GNAI3: variants seen among roughly 807,000 people sequenced by gnomAD.
GNAI3 encodes the protein G protein subunit alpha i3.
A neutral mutation model predicts 41.8 loss-of-function variants in GNAI3; 12 were observed. The observed-to-expected ratio is 0.29, with a 90% CI of 0.18 to 0.47. GNAI3 has a LOEUF of 0.47. GNAI3 is among the 20% of genes least tolerant of loss of function. GNAI3 has a pLI of 1.00. For synonymous variants in GNAI3, 132 were observed against 146.5 expected (o/e 0.90, Z 0.71); for missense variants, 360 against 429.6 (o/e 0.84, Z 1.43).
At chr1:109,553,491 T>G (rs545181508) in intron 1 of GNAI3, among the ~76,000 whole-genome samples, 5 of 152,354 alleles carry the variant, frequency 3.3e-5, no homozygotes, top group South Asian at 2.1e-4. Context: ...TGGCTGAATA[T>G]GCTTATTATT....
At chr1:109,581,241 T>G (rs1571159866) in intron 4 of GNAI3, among the ~76,000 whole-genome samples, 1 of 151,930 alleles carries the variant, frequency 6.6e-6, no homozygotes, top group Non-Finnish European at 1.5e-5. Context: ...AACAAATTAA[T>G]TTTTTTGGAG....
chr1:109,579,320 C>T lies in GNAI3; in HGVS notation c.420C>T (p.Phe140=). Residue 140 remains phenylalanine, a synonymous_variant, in exon 4 of 9, where the codon TTC becomes TTT. Transcript: ENST00000369851. ...GAGATGGTGGGGTACAAGCTTGCTT[C>T]AGCAGATCCAGGGAATATCAGCTCA... is the stretch of plus-strand genomic sequence containing the variant. The part of the protein sequence containing the change: ...LWRDGGVQAC[F]SRSREYQLND... 1 of 1,613,676 alleles carries T rather than the reference C, an allele frequency of 6.2e-7. No individual in the cohort carries two copies. Among genetic ancestry groups the T allele is most frequent in the Non-Finnish European group, 8.5e-7 (1 of 1,179,626 alleles).
chr1:109,572,940 G>C (rs1002711189), intron 1 of GNAI3, among the ~76,000 whole-genome samples: 1 of 152,200 alleles, frequency 6.6e-6, no homozygotes, highest in African/African-American at 2.4e-5. Context: ...TGGAGGTACA[G>C]ATAGACTGGT....
chr1:109,580,566 G>GT (rs1557910051), intron 4 of GNAI3, among the ~76,000 whole-genome samples: 1 of 152,136 alleles, frequency 6.6e-6, no homozygotes, highest in Non-Finnish European at 1.5e-5. Context: ...TAGAGTATGC[G>GT]TACACAGAAT....
chr1:109,569,327 C>G (rs1282066129), intron 1 of GNAI3, among the ~76,000 whole-genome samples: 2 of 152,184 alleles, frequency 1.3e-5, no homozygotes, highest in Non-Finnish European at 2.9e-5. Flanking sequence ...TTTGCAGTAT[C>G]CTTTGCATCT....
At chr1:109,566,444 T>C (rs1648456921) in intron 1 of GNAI3, among the ~76,000 whole-genome samples, 1 of 152,220 alleles carries the variant, frequency 6.6e-6, no homozygotes, top group Non-Finnish European at 1.5e-5. Flanking sequence ...ATTTTTTTAT[T>C]TGCTCAGTGA....
rs1383437946 is a variant in GNAI3, at chr1:109,598,655, T to G, written c.*6333T>G. ...GAACTATAAATTGCTCTAAAATTCG[T>G]GAAGCAGGGTGAAAAGGTCTTTGCT... On this transcript the variant is annotated 3_prime_UTR_variant, in exon 9 of 9. Transcript: ENST00000369851. 1 of 219,654 alleles carries G rather than the reference T, an allele frequency of 4.6e-6. No individual in the cohort carries two copies. The highest frequency in any genetic ancestry group is 9.7e-6 in the Non-Finnish European group (1 of 103,156). The allele number at this position is 219,654 out of a possible 1,614,324, so 13.6% of individuals were successfully genotyped here.
intron 1 of GNAI3, among the ~76,000 whole-genome samples, chr1:109,566,711 G>A (rs1231542749): frequency 5.9e-5 from 9 of 152,148 alleles, no homozygotes; most frequent in African/African-American, 1.9e-4. Context: ...ACAGGTGCCC[G>A]CCACCATACC....
intron 5 of GNAI3, among the ~76,000 whole-genome samples, chr1:109,585,014 A>G (rs1449001111): frequency 6.6e-6 from 1 of 152,260 alleles, no homozygotes; most frequent in African/African-American, 2.4e-5. Flanking sequence ...GAGTTGGGTC[A>G]TAAAGAGATA....
chr1:109,593,307 A>T lies in GNAI3; in HGVS notation c.*985A>T, dbSNP rs1649215663. 6.6e-6 allele frequency: 1 copy of T among 152,670 alleles called. No individual in the cohort carries two copies. Among genetic ancestry groups the T allele is most frequent in the Admixed American group, 6.5e-5 (1 of 15,284 alleles). The allele number at this position is 152,670 out of a possible 1,614,324, so 9.5% of individuals were successfully genotyped here. On this transcript the variant is annotated 3_prime_UTR_variant, in exon 9 of 9. Transcript: ENST00000369851. ...TGTTGAGAAACATCTAAAGTGTATTAACAGTGCATGCTTTTACTTTGTAAA... is the reference window on the plus strand; with the variant it reads ...TGTTGAGAAACATCTAAAGTGTATTTACAGTGCATGCTTTTACTTTGTAAA...
chr1:109,564,309 C>T lies in GNAI3; in HGVS notation c.119-9428C>T, dbSNP rs1648393573. Among the ~76,000 whole-genome samples the T allele has an allele frequency of 2.0e-5, 3 of 151,210 alleles. No individual in the cohort carries two copies. In the South Asian group the frequency reaches 6.3e-4, roughly 32 times the overall value. On this transcript the variant is annotated intron_variant, in intron 1 of 8. Coordinates refer to ENST00000369851, the MANE Select transcript of GNAI3 (RefSeq NM_006496.4). ...TTTGCTTTCTTACCTTTGCTTGTTC[C>T]CGTCTCTTTCTCTGTTTCCTTGGTC...
rs1005805592 is a variant in GNAI3, at chr1:109,593,478, G to A, written c.*1156G>A. ...ATGTGTACATTTTTAATCTGTTATAGTTGGCGGCAGTATTAAAATGGTGAG... is the reference window on the plus strand; with the variant it reads ...ATGTGTACATTTTTAATCTGTTATAATTGGCGGCAGTATTAAAATGGTGAG... On this transcript the variant is annotated 3_prime_UTR_variant, in exon 9 of 9. Coordinates refer to ENST00000369851, the MANE Select transcript of GNAI3 (RefSeq NM_006496.4). 1 of 152,556 alleles carries A rather than the reference G, an allele frequency of 6.6e-6. No individual in the cohort carries two copies. The highest frequency in any genetic ancestry group is 1.5e-5 in the Non-Finnish European group (1 of 68,024). The allele number at this position is 152,556 out of a possible 1,614,324, so 9.5% of individuals were successfully genotyped here. A position where few individuals can be genotyped will look rare whatever the true frequency, so the allele number is the denominator to read the frequency against.
At chr1:109,580,827 G>T (rs1461807697) in intron 4 of GNAI3, among the ~76,000 whole-genome samples, 4 of 152,176 alleles carry the variant, frequency 2.6e-5, no homozygotes, top group Non-Finnish European at 5.9e-5. Context: ...ACAGTCTGTT[G>T]TTGACCAAAA....
chr1:109,550,788 C>G (rs927159536), intron 1 of GNAI3, among the ~76,000 whole-genome samples: 1 of 152,212 alleles, frequency 6.6e-6, no homozygotes, highest in Non-Finnish European at 1.5e-5. Context: ...CCGCCTTGGC[C>G]TCCCAAAGTG....
chr1:109,572,070 G>A (rs770417905), intron 1 of GNAI3, among the ~76,000 whole-genome samples: 1 of 152,198 alleles, frequency 6.6e-6, no homozygotes, highest in East Asian at 1.9e-4. Context: ...CACTTTAGGA[G>A]GCTGAGGCGG....
intron 1 of GNAI3, among the ~76,000 whole-genome samples, chr1:109,555,928 G>C (rs1462685361): frequency 1.3e-5 from 2 of 149,562 alleles, no homozygotes; most frequent in Non-Finnish European, 3.0e-5. Flanking sequence ...TTCTTCTACA[G>C]CATACTTTCT....
chr1:109,591,052 T>C (rs1253150634), intron 7 of GNAI3, among the ~76,000 whole-genome samples: 1 of 152,212 alleles, frequency 6.6e-6, no homozygotes, highest in African/African-American at 2.4e-5. Context: ...GTAGACAAGA[T>C]GGTGTAAAAA....
rs1186275436 is a variant in GNAI3, at chr1:109,596,003, C to T, written c.*3681C>T. 1 of 152,096 alleles carries T rather than the reference C, an allele frequency of 6.6e-6. No individual in the cohort carries two copies. The highest frequency in any genetic ancestry group is 6.5e-5 in the Admixed American group (1 of 15,272). 9.4% of individuals were successfully genotyped at this position (152,096 alleles called of 1,614,324 possible). ...AATTATTGTGTTCTACTTTAGGCTT[C>T]GTAGTGCAAATCAGGGATCTGACCT... On this transcript the variant is annotated 3_prime_UTR_variant, in exon 9 of 9. Transcript: ENST00000369851.
intron 1 of GNAI3, 68 bp downstream of exon 1, chr1:109,548,906 G>C: frequency 9.6e-7 from 1 of 1,038,772 alleles, no homozygotes; most frequent in Non-Finnish European, 1.5e-6. Flanking sequence ...GCCTGAACGG[G>C]GTCTGGTCGG....
Sources: gnomAD v4.1 joint callset for allele counts (sites outside exome capture counted in the v4.1 genomes callset) on GRCh38, gnomAD v4.1.1 for gene constraint, MANE v1.5 for transcripts, NCBI Gene and HGNC (gene_info 2026-07-23, HGNC 2026-07-21) for gene names.